Variants in PDE4D observed in about 807,000 individuals in gnomAD.
PDE4D encodes phosphodiesterase 4D, also known as 3',5'-cyclic-AMP phosphodiesterase 4D.
A neutral mutation model predicts 87.4 loss-of-function variants in PDE4D; 24 were observed. The ratio of observed to expected loss-of-function variants is 0.27; its 90% CI spans 0.20 to 0.39. PDE4D has a LOEUF of 0.39. Among genes scored for constraint, PDE4D ranks in the 10% least tolerant of loss-of-function variants. PDE4D has a pLI of 1.00. For synonymous variants in PDE4D, 384 were observed against 383.2 expected (o/e 1.00, Z -0.02); for missense variants, 714 against 1,041.0 (o/e 0.69, Z 4.32).
At chr5:59,812,500 C>G (rs980359282) in intron 1 of PDE4D, among the ~76,000 whole-genome samples, 3 of 152,094 alleles carry the variant, frequency 2.0e-5, no homozygotes, top group African/African-American at 7.2e-5. Context: ...TGGTGAAACC[C>G]TGTCTCTACT....
At chr5:59,101,140 T>A (rs2153433527) in intron 5 of PDE4D, among the ~76,000 whole-genome samples, 1 of 152,242 alleles carries the variant, frequency 6.6e-6, no homozygotes, top group East Asian at 1.9e-4. Flanking sequence ...ATGCTCTTCT[T>A]GAGCAGGCAG....
chr5:59,314,053 G>A lies in PDE4D; in HGVS notation c.456-98085C>T, dbSNP rs1469889429. 2.0e-5 allele frequency: 3 copies of A among 152,074 alleles called. No homozygotes were observed. The East Asian group carries it at 5.8e-4, about 29-fold the overall frequency. 9.4% of individuals were successfully genotyped at this position (152,074 alleles called of 1,614,324 possible). On this transcript the variant is annotated intron_variant, in intron 1 of 14. Transcript: ENST00000340635. ...TTTCTTTCAAACTAATGCTAGCTCAGCATAAGGTAGCCCCAGTACTCTGGA... is the reference window on the plus strand; with the variant it reads ...TTTCTTTCAAACTAATGCTAGCTCAACATAAGGTAGCCCCAGTACTCTGGA...
At chr5:59,969,382 A>G (rs1313054739) in intron 3 of PDE4D, among the ~76,000 whole-genome samples, 2 of 152,184 alleles carry the variant, frequency 1.3e-5, no homozygotes, top group Admixed American at 6.6e-5. Flanking sequence ...ATTATAATTG[A>G]GGTAAAAAGC....
At chr5:60,511,517 TTAATAATAATAA>T (rs150885033) in intron 1 of PDE4D, among the ~76,000 whole-genome samples, 1 of 147,758 alleles carries the variant, frequency 6.8e-6, no homozygotes, top group South Asian at 2.1e-4. Context: ...CTATAGAAAT[TTAATAATAATAA>T]TAATAATAAT....
chr5:59,787,017 A>G (rs934206659), intron 1 of PDE4D, among the ~76,000 whole-genome samples: 5 of 152,214 alleles, frequency 3.3e-5, no homozygotes, highest in African/African-American at 1.2e-4. Context: ...TCTCACATAG[A>G]TCTGAGTATA....
intron 1 of PDE4D, among the ~76,000 whole-genome samples, chr5:59,781,828 T>G (rs1764668151): frequency 6.7e-6 from 1 of 150,074 alleles, no homozygotes; most frequent in African/African-American, 2.5e-5. Flanking sequence ...AACTCCTGAT[T>G]TGTGGCGTAT....
intron 1 of PDE4D, among the ~76,000 whole-genome samples, chr5:60,209,662 A>G (rs1320606071): frequency 2.6e-5 from 4 of 151,998 alleles, no homozygotes; most frequent in African/African-American, 9.7e-5. Context: ...AAGTTATTAC[A>G]CTTACGCTGG....
rs192394301 is a variant in PDE4D at position 59,391,480 on chromosome 5, A to T, written c.456-175512T>A. 5.3e-5 allele frequency among the ~76,000 whole-genome samples: 8 copies of T among 152,232 alleles called. No homozygotes were observed. In the East Asian group the frequency reaches 1.2e-3, roughly 22 times the overall value. On this transcript the variant is annotated intron_variant, in intron 1 of 14. Transcript: ENST00000340635. ...TGTCCAAAGGATGATGGTAGTGAGA[A>T]CAACAATGAGAAAGACCCTGAAAAA...
At chr5:59,219,533 T>TCA (rs1561739649) in intron 1 of PDE4D, among the ~76,000 whole-genome samples, 3 of 152,124 alleles carry the variant, frequency 2.0e-5, no homozygotes, top group Non-Finnish European at 4.4e-5. Flanking sequence ...AAAGAGAGAC[T>TCA]TTGTATTTTG....
chr5:59,090,837 GATAA>G (rs1240962730), intron 5 of PDE4D, among the ~76,000 whole-genome samples: 10 of 135,990 alleles, frequency 7.4e-5, no homozygotes, highest in Admixed American at 6.5e-4. Flanking sequence ...TGGTAAAAGG[GATAA>G]ATAGTGATGT....
At chr5:59,288,835 A>G (rs1767474642) in intron 1 of PDE4D, among the ~76,000 whole-genome samples, 1 of 152,178 alleles carries the variant, frequency 6.6e-6, no homozygotes, top group South Asian at 2.1e-4. Context: ...TCAGGCTAGT[A>G]TATCCTGTAA....
At chr5:59,189,148 A>G (rs1743618260) in intron 3 of PDE4D, among the ~76,000 whole-genome samples, 1 of 152,030 alleles carries the variant, frequency 6.6e-6, no homozygotes, top group African/African-American at 2.4e-5. Context: ...AGTATTAATA[A>G]CTACTGCATT....
At chr5:59,677,855 G>C (rs1748364205) in intron 1 of PDE4D, among the ~76,000 whole-genome samples, 1 of 152,128 alleles carries the variant, frequency 6.6e-6, no homozygotes, top group Non-Finnish European at 1.5e-5. Context: ...TATTTCCCTA[G>C]TCTACATTGT....
intron 1 of PDE4D, among the ~76,000 whole-genome samples, chr5:60,346,811 T>C (rs921129919): frequency 2.0e-5 from 3 of 152,316 alleles, no homozygotes; most frequent in Non-Finnish European, 4.4e-5. Flanking sequence ...TTTTCAATGC[T>C]AATTAAGTAT....
chr5:60,195,673 T>G (rs1741130134), intron 1 of PDE4D, among the ~76,000 whole-genome samples: 1 of 151,656 alleles, frequency 6.6e-6, no homozygotes, highest in African/African-American at 2.4e-5. Flanking sequence ...TCTCTCCACG[T>G]GGAACTCTCA....
At position 59,273,468 on chromosome 5, in the gene PDE4D, A is replaced by G. The variant is rs114819708; in HGVS notation, c.456-57500T>C. On this transcript the variant is annotated intron_variant, in intron 1 of 14. Coordinates refer to ENST00000340635, the MANE Select transcript of PDE4D (RefSeq NM_001104631.2). ...TAGATGTGTCTAATATTTGACTGAT[A>G]GACGGATAATAAAATGGCAAAACTG... Among the ~76,000 whole-genome samples, 274 of 152,252 alleles carry G rather than the reference A, an allele frequency of 1.8e-3. 1 individual carries two copies. The highest frequency in any genetic ancestry group is 6.4e-3 in the African/African-American group (267 of 41,546).
chr5:60,509,005 T>C (rs1388234949), intron 1 of PDE4D, among the ~76,000 whole-genome samples: 1 of 152,124 alleles, frequency 6.6e-6, no homozygotes, highest in Admixed American at 6.5e-5. Flanking sequence ...GTTCAAGCTA[T>C]TCTCATGCCT....
intron 1 of PDE4D, among the ~76,000 whole-genome samples, chr5:59,889,747 A>T (rs994619331): frequency 6.6e-6 from 1 of 152,190 alleles, no homozygotes; most frequent in African/African-American, 2.4e-5. Context: ...TGAAATGATT[A>T]ATCTGATATG....
chr5:59,197,965 G>C (rs1745841163), intron 2 of PDE4D, among the ~76,000 whole-genome samples: 1 of 152,156 alleles, frequency 6.6e-6, no homozygotes. Flanking sequence ...GGCCTACTTG[G>C]CTAAATATTT....
Sources: allele counts gnomAD v4.1 joint callset (sites outside exome capture counted in the v4.1 genomes callset), GRCh38; gene constraint gnomAD v4.1.1; transcripts MANE v1.5; gene names NCBI Gene and HGNC (gene_info 2026-07-23, HGNC 2026-07-21).